ADAMTSL1: variants seen among roughly 807,000 people sequenced by gnomAD.
The protein encoded by ADAMTSL1 is ADAMTS-like protein 1.
In ADAMTSL1, 126 loss-of-function variants were observed where a neutral mutation model predicts 201.8. That is an observed-to-expected ratio of 0.62 (90% CI 0.54 to 0.72). The LOEUF is 0.72. Ranked by LOEUF, ADAMTSL1 falls within the 30% of genes least tolerant of loss-of-function variation. ADAMTSL1 has a pLI of 0.00. For synonymous variants in ADAMTSL1, 1,121 were observed against 903.4 expected (o/e 1.24, Z -4.32); for missense variants, 2,679 against 2,277.8 (o/e 1.18, Z -3.59).
intron 1 of ADAMTSL1, among the ~76,000 whole-genome samples, chr9:18,109,511 A>G (rs1186476700): frequency 6.6e-6 from 1 of 152,110 alleles, no homozygotes; most frequent in Non-Finnish European, 1.5e-5. Context: ...GGACTCACAT[A>G]TTCCCTCTTT....
chr9:18,730,031 C>G (rs546449503), intron 15 of ADAMTSL1, among the ~76,000 whole-genome samples: 3 of 149,942 alleles, frequency 2.0e-5, no homozygotes, highest in East Asian at 1.9e-4. Context: ...CAAAATAAAT[C>G]TTTTTTTTTT....
intron 2 of ADAMTSL1, among the ~76,000 whole-genome samples, chr9:18,267,981 A>T (rs891524976): frequency 2.6e-5 from 4 of 152,188 alleles, no homozygotes; most frequent in Non-Finnish European, 4.4e-5. Context: ...TAAGGTACAG[A>T]TTTAAAAAAT....
chr9:18,060,925 C>T (rs1822422083), intron 1 of ADAMTSL1, among the ~76,000 whole-genome samples: 1 of 152,118 alleles, frequency 6.6e-6, no homozygotes, highest in Non-Finnish European at 1.5e-5. Flanking sequence ...ATTTCTTTAT[C>T]ACAGAAATTA....
chr9:18,877,945 G>A (rs1368560661), intron 23 of ADAMTSL1, among the ~76,000 whole-genome samples: 1 of 152,160 alleles, frequency 6.6e-6, no homozygotes, highest in Non-Finnish European at 1.5e-5. Flanking sequence ...GGTGGGGCTT[G>A]CTGGGACTGC....
At chr9:18,715,668 A>G (rs1288292296) in intron 14 of ADAMTSL1, among the ~76,000 whole-genome samples, 1 of 152,152 alleles carries the variant, frequency 6.6e-6, no homozygotes, top group Non-Finnish European at 1.5e-5. Flanking sequence ...TGCCCAAGGT[A>G]ATTTATAGTT....
chr9:18,477,796 T>C (rs1821528621), intron 1 of ADAMTSL1, among the ~76,000 whole-genome samples: 1 of 152,246 alleles, frequency 6.6e-6, no homozygotes, highest in Admixed American at 6.5e-5. Flanking sequence ...CTCAGGCTCC[T>C]GTTTTTAGTG....
chr9:18,025,775 T>G (rs919437057), intron 1 of ADAMTSL1, among the ~76,000 whole-genome samples: 1 of 152,152 alleles, frequency 6.6e-6, no homozygotes, highest in African/African-American at 2.4e-5. Flanking sequence ...AATAGGTTTT[T>G]CTAATTCTCT....
intron 2 of ADAMTSL1, among the ~76,000 whole-genome samples, chr9:18,242,477 T>C (rs1046621605): frequency 2.0e-5 from 3 of 152,162 alleles, no homozygotes; most frequent in African/African-American, 7.2e-5. Context: ...CTCTCTTTAA[T>C]TCTATTCAAC....
chr9:18,906,654 C>T (rs1830325526), intron 27 of ADAMTSL1, 38 bp from the exon 28 acceptor site: 1 of 1,490,374 alleles, frequency 6.7e-7, no homozygotes. Flanking sequence ...TCAGCCCCCA[C>T]AGAAGCAAAC....
At chr9:17,972,213 G>A (rs1185446982) in intron 1 of ADAMTSL1, among the ~76,000 whole-genome samples, 1 of 145,148 alleles carries the variant, frequency 6.9e-6, no homozygotes, top group African/African-American at 2.5e-5. Flanking sequence ...TGCACAATGT[G>A]CAGGTTTGTT....
chr9:18,656,786 T>C (rs1339797191), intron 7 of ADAMTSL1, among the ~76,000 whole-genome samples: 1 of 152,188 alleles, frequency 6.6e-6, no homozygotes, highest in East Asian at 1.9e-4. Context: ...TAAAAAGTAG[T>C]CCAAACCTTG....
At chr9:18,862,889 T>C (rs1451194782) in intron 23 of ADAMTSL1, among the ~76,000 whole-genome samples, 1 of 152,146 alleles carries the variant, frequency 6.6e-6, no homozygotes, top group Non-Finnish European at 1.5e-5. Context: ...AAAATGCTGA[T>C]GTGTTTTTAA....
intron 13 of ADAMTSL1, among the ~76,000 whole-genome samples, chr9:18,703,203 T>C (rs1237769593): frequency 1.3e-5 from 2 of 152,236 alleles, no homozygotes; most frequent in African/African-American, 4.8e-5. Context: ...CAGCAAGTGC[T>C]GTTCGAGATG....
At chr9:18,511,143 C>A (rs1465226989) in intron 2 of ADAMTSL1, among the ~76,000 whole-genome samples, 2 of 152,116 alleles carry the variant, frequency 1.3e-5, no homozygotes, top group Non-Finnish European at 2.9e-5. Context: ...AGATAGCTGG[C>A]TGCTCTTAGG....
chr9:18,174,610 CT>C (rs894938967), intron 2 of ADAMTSL1, among the ~76,000 whole-genome samples: 23 of 151,516 alleles, frequency 1.5e-4, no homozygotes, highest in African/African-American at 1.2e-4. Context: ...ATACACATGA[CT>C]TTTTTTTTAG....
intron 2 of ADAMTSL1, among the ~76,000 whole-genome samples, chr9:18,462,760 G>A (rs1311740950): frequency 6.6e-6 from 1 of 151,826 alleles, no homozygotes; most frequent in African/African-American, 2.4e-5. Context: ...GTAACATGGT[G>A]AAATCTCATC....
intron 1 of ADAMTSL1, among the ~76,000 whole-genome samples, chr9:18,027,270 G>A (rs532463599): frequency 4.6e-5 from 7 of 151,542 alleles, no homozygotes; most frequent in Admixed American, 2.0e-4. Context: ...GGGTTGATTT[G>A]CTCTTGTTTT....
intron 21 of ADAMTSL1, among the ~76,000 whole-genome samples, chr9:18,822,092 T>C (rs1404565801): frequency 6.6e-6 from 1 of 152,146 alleles, no homozygotes; most frequent in African/African-American, 2.4e-5. Flanking sequence ...TTTCCTTCGC[T>C]GTTTTAAGAT....
intron 21 of ADAMTSL1, among the ~76,000 whole-genome samples, chr9:18,823,269 T>C (rs1290217443): frequency 6.6e-6 from 1 of 152,228 alleles, no homozygotes; most frequent in Non-Finnish European, 1.5e-5. Context: ...GTCAGGTCCA[T>C]GGTTCCAGGT....
Sources: gnomAD v4.1 joint callset for allele counts (sites outside exome capture counted in the v4.1 genomes callset) on GRCh38, gnomAD v4.1.1 for gene constraint, MANE v1.5 for transcripts, NCBI Gene and HGNC (gene_info 2026-07-23, HGNC 2026-07-21) for gene names.